AZI2: variants seen among roughly 807,000 people sequenced by gnomAD.
AZI2 encodes the protein 5-azacytidine-induced protein 2.
A neutral mutation model predicts 45.8 loss-of-function variants in AZI2; 22 were observed. That is an observed-to-expected ratio of 0.48 (90% CI 0.34 to 0.69). The LOEUF is 0.69. Ranked by LOEUF, AZI2 falls within the 30% of genes least tolerant of loss-of-function variation. AZI2 has a pLI of 0.01. For missense variants in AZI2, 417 were observed against 441.5 expected, an observed-to-expected ratio of 0.94 and a Z score of 0.50; for synonymous variants, 137 against 156.7, an observed-to-expected ratio of 0.87 and a Z score of 0.94.
At chr3:28,337,599 T>G (rs1050215481) in intron 4 of AZI2, among the ~76,000 whole-genome samples, 4 of 152,176 alleles carry the variant, frequency 2.6e-5, no homozygotes, top group Non-Finnish European at 4.4e-5. Flanking sequence ...GGGCAAGATG[T>G]TCAGTAAGAA....
chr3:28,343,419 G>A (rs902603599), intron 1 of AZI2, among the ~76,000 whole-genome samples: 3 of 151,972 alleles, frequency 2.0e-5, no homozygotes, highest in South Asian at 4.1e-4. Context: ...GCAGGATGGA[G>A]ACAAACTGAG....
chr3:28,344,112 T>C (rs958648968), intron 1 of AZI2, among the ~76,000 whole-genome samples: 1 of 152,030 alleles, frequency 6.6e-6, no homozygotes, highest in African/African-American at 2.4e-5. Context: ...TTATCTGTCC[T>C]AAAAGTTATG....
chr3:28,326,059 C>G (rs1703375357), intron 7 of AZI2, among the ~76,000 whole-genome samples: 1 of 151,016 alleles, frequency 6.6e-6, no homozygotes, highest in Admixed American at 6.6e-5. Flanking sequence ...TGGTGATAAT[C>G]TTTTATAAAA....
chr3:28,321,153 A>G lies in AZI2; in HGVS notation c.*2889T>C, dbSNP rs756688334. On this transcript the variant is annotated 3_prime_UTR_variant, in exon 8 of 8. Transcript: ENST00000479665. ...TCAAAAGGAGGGAGATTACTAGAGC[A>G]GACAAAAGCAAAGCAAATATAGAAA... The G allele has an allele frequency of 1.3e-5, 2 of 151,474 alleles. No homozygotes were observed. Among genetic ancestry groups the G allele is most frequent in the Non-Finnish European group, 3.0e-5 (2 of 67,596 alleles). 9.4% of individuals were successfully genotyped at this position (151,474 alleles called of 1,614,324 possible).
At chr3:28,335,910 C>T (rs1300436623) in intron 5 of AZI2, among the ~76,000 whole-genome samples, 4 of 152,062 alleles carry the variant, frequency 2.6e-5, no homozygotes, top group Admixed American at 6.6e-5. Context: ...GTTTGAGATA[C>T]ATGAATGCAT....
chr3:28,346,916 A>G (rs984770301), intron 1 of AZI2, among the ~76,000 whole-genome samples: 1 of 152,144 alleles, frequency 6.6e-6, no homozygotes, highest in African/African-American at 2.4e-5. Flanking sequence ...ATACAATATG[A>G]AGAAAAACTC....
At chr3:28,342,017 C>A (rs77399521) in intron 1 of AZI2, among the ~76,000 whole-genome samples, 1,625 of 152,174 alleles carry the variant, frequency 0.011, 27 homozygotes, top group African/African-American at 0.037. Context: ...TGCCTGCTTT[C>A]TTCCAAAATG....
chr3:28,339,039 G>A (rs547056084), intron 2 of AZI2, among the ~76,000 whole-genome samples: 4 of 151,458 alleles, frequency 2.6e-5, no homozygotes, highest in African/African-American at 9.7e-5. Context: ...GGAGTGCAAT[G>A]GGGCGATCTC....
At position 28,337,948 on chromosome 3, in the gene AZI2, T is replaced by C. The variant is rs1301555818; in HGVS notation, c.428A>G (p.Glu143Gly). The C allele has an allele frequency of 6.3e-7, 1 of 1,576,054 alleles. No homozygotes were observed. The highest frequency in any genetic ancestry group is 1.2e-5 in the South Asian group (1 of 84,008). ...AGTAACTGGCATACCCTGCTGAGTT[T>C]CCACCTCTGTCCTCAGCTGGAGGAG... ...VELLQLRTEV[E>G]TQQVMRNLNP... Residue 143 changes from glutamate (E) to glycine (G), a missense_variant, in exon 4 of 8, where the codon GAA (glutamate) becomes GGA (glycine). Transcript: ENST00000479665.
rs187236324 is a variant in AZI2 at position 28,343,298 on chromosome 3, T to C, written c.-5-2676A>G. Among the ~76,000 whole-genome samples, 5 of 152,158 alleles carry C rather than the reference T, an allele frequency of 3.3e-5. No individual in the cohort carries two copies. In the South Asian group the frequency reaches 6.2e-4, roughly 19 times the overall value. On this transcript the variant is annotated intron_variant, in intron 1 of 7. Transcript: ENST00000479665. ...GGTTATTTTCATTGTACTGTACTTA[T>C]TGTACTTACACCTTTACAGTTTGTT...
At chr3:28,338,161 TCA>T (rs1491495292) in intron 3 of AZI2, 125 bp from the exon 4 acceptor site, 3 of 510,866 alleles carry the variant, frequency 5.9e-6, no homozygotes, top group Non-Finnish European at 9.6e-6. Context: ...CAAAATGAAC[TCA>T]GTTTCTCAGA....
At position 28,321,469 on chromosome 3, in the gene AZI2, T is replaced by G. The variant is rs1320199170; in HGVS notation, c.*2573A>C. 3 of 151,424 alleles carry G rather than the reference T, an allele frequency of 2.0e-5. No homozygotes were observed. The highest frequency in any genetic ancestry group is 7.3e-5 in the African/African-American group (3 of 41,356). 9.4% of individuals were successfully genotyped at this position (151,424 alleles called of 1,614,324 possible). A position where few individuals can be genotyped will look rare whatever the true frequency, so the allele number is the denominator to read the frequency against. ...TGTTCATCCTCCTTATGTCAAAGACTAAACCATTCATTGTAGCCTTCAGAA... is the reference window on the plus strand; with the variant it reads ...TGTTCATCCTCCTTATGTCAAAGACGAAACCATTCATTGTAGCCTTCAGAA... On this transcript the variant is annotated 3_prime_UTR_variant, in exon 8 of 8. Transcript: ENST00000479665.
In AZI2 at chr3:28,331,915, T is replaced by C. The variant is rs567556329; in HGVS notation, c.647+454A>G. ...CCTCAAAATTCATGCTATCCCATGA[T>C]TGCGCCACTGCACTCCAGGCTGTGC... On this transcript the variant is annotated intron_variant, in intron 6 of 7. Transcript: ENST00000479665. The C allele has an allele frequency of 6.5e-6, 10 of 1,548,112 alleles. 1 individual carries two copies. In the Admixed American group the frequency reaches 7.9e-5, roughly 12 times the overall value.
At chr3:28,338,636 G>A (rs746713863) in intron 2 of AZI2, 21 bp from the exon 3 acceptor site, 3 of 1,601,338 alleles carry the variant, frequency 1.9e-6, no homozygotes, top group African/African-American at 1.3e-5. Context: ...GAAATTAGAA[G>A]AGAAAGCTTA....
chr3:28,342,339 T>C (rs1704048192), intron 1 of AZI2, among the ~76,000 whole-genome samples: 1 of 152,006 alleles, frequency 6.6e-6, no homozygotes, highest in Non-Finnish European at 1.5e-5. Context: ...TTTCTAACCA[T>C]ACAGGACAAC....
At position 28,332,259 on chromosome 3, in the gene AZI2, T is replaced by C. The variant is rs1365292844; in HGVS notation, c.647+110A>G. 5 of 886,356 alleles carry C rather than the reference T, an allele frequency of 5.6e-6. No individual in the cohort carries two copies. The East Asian group carries it at 9.8e-5, about 17-fold the overall frequency. 54.9% of individuals were successfully genotyped at this position (886,356 alleles called of 1,614,324 possible). ...AGAGGTTACATCAGTATCCAAACAATATCCATTTTTTGTTTTTAAGGTTAA... is the reference window on the plus strand; with the variant it reads ...AGAGGTTACATCAGTATCCAAACAACATCCATTTTTTGTTTTTAAGGTTAA... On this transcript the variant is annotated intron_variant, in intron 6 of 7. Coordinates refer to ENST00000479665, the MANE Select transcript of AZI2 (RefSeq NM_022461.5).
At position 28,323,870 on chromosome 3, in the gene AZI2, G is replaced by C; in HGVS notation, c.*172C>G. The C allele has an allele frequency of 1.6e-6, 1 of 640,638 alleles. No individual in the cohort carries two copies. Among genetic ancestry groups the C allele is most frequent in the Non-Finnish European group, 2.5e-6 (1 of 395,378 alleles). 39.7% of individuals were successfully genotyped at this position (640,638 alleles called of 1,614,324 possible). ...AGCTAGAGGGTGCTCTTTCATACTA[G>C]AAAACCAACTATGTTGGTTTTTGTA... On this transcript the variant is annotated 3_prime_UTR_variant, in exon 8 of 8. Coordinates refer to ENST00000479665, the MANE Select transcript of AZI2 (RefSeq NM_022461.5).
chr3:28,328,197 A>C (rs750818319), intron 6 of AZI2, among the ~76,000 whole-genome samples: 2 of 151,028 alleles, frequency 1.3e-5, no homozygotes, highest in Non-Finnish European at 3.0e-5. Context: ...ATAGGTGTCA[A>C]ATAATTAGTT....
intron 5 of AZI2, 94 bp from the exon 6 acceptor site, chr3:28,332,521 T>C (rs1343327460): frequency 1.0e-5 from 10 of 995,342 alleles, no homozygotes; most frequent in Admixed American, 4.1e-5. Context: ...GTTCAGGTTT[T>C]ACAGAATATA....
Sources: allele counts gnomAD v4.1 joint callset (sites outside exome capture counted in the v4.1 genomes callset), GRCh38; gene constraint gnomAD v4.1.1; transcripts MANE v1.5; gene names NCBI Gene and HGNC (gene_info 2026-07-23, HGNC 2026-07-21).